Variants in BBOX1 observed in about 807,000 individuals in gnomAD.
BBOX1 encodes gamma-butyrobetaine dioxygenase.
A neutral mutation model predicts 41.6 loss-of-function variants in BBOX1; 35 were observed. The ratio of observed to expected loss-of-function variants is 0.84; its 90% CI spans 0.64 to 1.11. The LOEUF is 1.11. Ranked by LOEUF, BBOX1 falls within the 50% of genes most tolerant of loss-of-function variation. The probability of loss-of-function intolerance (pLI) is 0.00; values close to 1 mark genes in which losing one functional copy is unlikely to be tolerated. For synonymous variants in BBOX1, 163 were observed against 154.7 expected (o/e 1.05, Z -0.40); for missense variants, 458 against 460.6 (o/e 0.99, Z 0.05).
intron 4 of BBOX1, chr11:27,066,666 CA>C (rs1157169972): frequency 8.3e-6 from 1 of 120,734 alleles, no homozygotes; most frequent in Non-Finnish European, 1.6e-5. Flanking sequence ...GCTATCCCTT[CA>C]GGGGAAAAAA....
intron 5 of BBOX1, among the ~76,000 whole-genome samples, chr11:27,109,327 T>C (rs1433378243): frequency 6.6e-6 from 1 of 152,034 alleles, no homozygotes; most frequent in Non-Finnish European, 1.5e-5. Flanking sequence ...TTACAAGTTT[T>C]TGAAATACAT....
At chr11:27,119,433 C>A (rs1368645394) in intron 6 of BBOX1, among the ~76,000 whole-genome samples, 1 of 151,754 alleles carries the variant, frequency 6.6e-6, no homozygotes, top group Non-Finnish European at 1.5e-5. Context: ...TTATAAGCAA[C>A]TTTTTTCTTC....
intron 4 of BBOX1, among the ~76,000 whole-genome samples, chr11:27,070,830 T>C (rs1857423350): frequency 6.6e-6 from 1 of 152,084 alleles, no homozygotes; most frequent in Non-Finnish European, 1.5e-5. Context: ...TGTTGATTGT[T>C]ACCTACTTTA....
At chr11:27,084,724 T>C (rs966373986) in intron 4 of BBOX1, among the ~76,000 whole-genome samples, 5 of 152,158 alleles carry the variant, frequency 3.3e-5, no homozygotes, top group Non-Finnish European at 5.9e-5. Flanking sequence ...CTCATGAATC[T>C]TTAACTAAAG....
chr11:27,118,758 G>T (rs1330369464), intron 6 of BBOX1, among the ~76,000 whole-genome samples: 2 of 151,640 alleles, frequency 1.3e-5, no homozygotes, highest in African/African-American at 4.8e-5. Context: ...AGTATCAAGG[G>T]GCCTTGACAT....
At chr11:27,054,172 G>A (rs1349462019) in intron 2 of BBOX1, among the ~76,000 whole-genome samples, 1 of 147,952 alleles carries the variant, frequency 6.8e-6, no homozygotes, top group Admixed American at 6.8e-5. Context: ...TGCAGTGCCT[G>A]GAAGGGATTT....
At position 27,055,489 on chromosome 11, in the gene BBOX1, T is replaced by G; in HGVS notation, c.59T>G (p.Leu20Arg). Residue 20 changes from leucine to arginine, a missense_variant, in exon 3 of 9, where the codon CTC becomes CGC. Coordinates refer to ENST00000263182, the MANE Select transcript of BBOX1 (RefSeq NM_003986.3). ...GACGGGGCTCATTTGATGCAGATCC[T>G]CTGGTATGATGAGGAAGAGTCTCTC... is the stretch of plus-strand genomic sequence containing the variant. ...ALDGAHLMQI[L>R]WYDEEESLYP... The G allele has an allele frequency of 6.2e-7, 1 of 1,614,156 alleles. No individual in the cohort carries two copies. Among genetic ancestry groups the G allele is most frequent in the Non-Finnish European group, 8.5e-7 (1 of 1,180,028 alleles).
intron 2 of BBOX1, among the ~76,000 whole-genome samples, chr11:27,050,810 A>C (rs1018002992): frequency 1.3e-5 from 2 of 152,058 alleles, no homozygotes; most frequent in Admixed American, 6.6e-5. Flanking sequence ...TTCCTTTCAG[A>C]TTTGGATGCC....
intron 5 of BBOX1, among the ~76,000 whole-genome samples, chr11:27,108,227 C>G (rs1858933807): frequency 6.6e-6 from 1 of 152,082 alleles, no homozygotes; most frequent in Admixed American, 6.6e-5. Flanking sequence ...AAGATCTGTT[C>G]TCTGGCTAAT....
At chr11:27,071,176 C>T (rs944940376) in intron 4 of BBOX1, among the ~76,000 whole-genome samples, 1 of 151,932 alleles carries the variant, frequency 6.6e-6, no homozygotes, top group Non-Finnish European at 1.5e-5. Flanking sequence ...AAATCAAGAC[C>T]ATCCTGGCTA....
chr11:27,056,843 G>A (rs958509704), intron 3 of BBOX1, among the ~76,000 whole-genome samples: 16 of 151,470 alleles, frequency 1.1e-4, no homozygotes, highest in South Asian at 2.1e-4. Flanking sequence ...TGAGGCGGGC[G>A]CATCACAAGG....
chr11:27,057,837 C>T (rs1314172868), intron 4 of BBOX1, among the ~76,000 whole-genome samples: 2 of 151,908 alleles, frequency 1.3e-5, no homozygotes, highest in African/African-American at 2.4e-5. Context: ...CACAAAGCCA[C>T]GTTTGTCTAG....
chr11:27,067,344 A>C (rs1294892362), intron 4 of BBOX1, among the ~76,000 whole-genome samples: 3 of 151,938 alleles, frequency 2.0e-5, no homozygotes, highest in Non-Finnish European at 4.4e-5. Context: ...CGTTGTAACG[A>C]ATATGTCATT....
At position 27,127,346 on chromosome 11, in the gene BBOX1, G is replaced by A; in HGVS notation, c.1057G>A (p.Glu353Lys). ...CTTACTTCATGGCCGACGTAGCTAT[G>A]AAGCAGGAACTGAGATATCCCGCCA... is the stretch of plus-strand genomic sequence containing the variant. The part of the protein sequence containing the change: ...WRLLHGRRSY[E>K]AGTEISRHLE... Residue 353 changes from glutamate (E) to lysine (K), a missense_variant, in exon 9 of 9, where the codon GAA becomes AAA. Transcript: ENST00000263182. 2 of 1,614,168 alleles carry A rather than the reference G, an allele frequency of 1.2e-6. No homozygotes were observed. The highest frequency in any genetic ancestry group is 1.7e-6 in the Non-Finnish European group (2 of 1,180,028).
chr11:27,043,853 T>C (rs1165188217), intron 2 of BBOX1, among the ~76,000 whole-genome samples: 1 of 152,164 alleles, frequency 6.6e-6, no homozygotes, highest in Admixed American at 6.5e-5. Context: ...TTGATGAGCA[T>C]TTGAGTTGGT....
chr11:27,117,277 CT>C (rs1437190194), intron 6 of BBOX1, among the ~76,000 whole-genome samples: 2 of 151,952 alleles, frequency 1.3e-5, no homozygotes, highest in African/African-American at 4.8e-5. Flanking sequence ...ATTATCTTCA[CT>C]GTACATGTTT....
At chr11:27,104,142 A>G (rs1340503028) in intron 5 of BBOX1, among the ~76,000 whole-genome samples, 1 of 152,162 alleles carries the variant, frequency 6.6e-6, no homozygotes. Context: ...CATGAATTCC[A>G]GACTATTCAG....
chr11:27,089,545 AT>A (rs1362670457), intron 4 of BBOX1, among the ~76,000 whole-genome samples: 1 of 152,052 alleles, frequency 6.6e-6, no homozygotes, highest in African/African-American at 2.4e-5. Context: ...TTTTGGACCA[AT>A]TACCACAGTG....
At chr11:27,045,518 G>A (rs1455699520) in intron 2 of BBOX1, among the ~76,000 whole-genome samples, 1 of 145,880 alleles carries the variant, frequency 6.9e-6, no homozygotes, top group Non-Finnish European at 1.5e-5. Context: ...AGTTTTCAAA[G>A]AGAATGTTTC....
Sources: allele counts gnomAD v4.1 joint callset (sites outside exome capture counted in the v4.1 genomes callset), GRCh38; gene constraint gnomAD v4.1.1; transcripts MANE v1.5; gene names NCBI Gene and HGNC (gene_info 2026-07-23, HGNC 2026-07-21).